PTPRO: variants seen among roughly 807,000 people sequenced by gnomAD.
PTPRO encodes the protein protein tyrosine phosphatase receptor type O.
Under a neutral mutation model 145.2 loss-of-function variants are expected in PTPRO, and 62 were observed. The ratio of observed to expected loss-of-function variants is 0.43; its 90% confidence interval spans 0.35 to 0.53. The LOEUF is 0.53. Among genes scored for constraint, PTPRO ranks in the 20% least tolerant of loss-of-function variants. The pLI is 0.01. For missense variants in PTPRO, 1,345 were observed against 1,482.7 expected, an observed-to-expected ratio of 0.91 and a Z score of 1.53; for synonymous variants, 565 against 514.7, an observed-to-expected ratio of 1.10 and a Z score of -1.32.
intron 1 of PTPRO, among the ~76,000 whole-genome samples, chr12:15,358,488 G>A (rs1039239651): frequency 5.9e-5 from 9 of 152,168 alleles, no homozygotes; most frequent in South Asian, 2.1e-4. Flanking sequence ...ACTCCCCCAC[G>A]TCTCTATGCA....
At chr12:15,485,833 T>C (rs540330859) in intron 2 of PTPRO, among the ~76,000 whole-genome samples, 17 of 152,320 alleles carry the variant, frequency 1.1e-4, no homozygotes, top group African/African-American at 3.4e-4. Flanking sequence ...CTTTGACCTG[T>C]AGGGCTTACA....
intron 7 of PTPRO, among the ~76,000 whole-genome samples, chr12:15,515,165 A>G (rs1297640183): frequency 6.6e-6 from 1 of 152,076 alleles, no homozygotes; most frequent in Non-Finnish European, 1.5e-5. Context: ...TGACACCACA[A>G]TTTAGAATGT....
intron 1 of PTPRO, among the ~76,000 whole-genome samples, chr12:15,439,212 C>A (rs1381217189): frequency 1.3e-5 from 2 of 152,086 alleles, no homozygotes; most frequent in African/African-American, 4.8e-5. Context: ...ATTTTCCAGA[C>A]AAACAAGTCC....
Position 15,473,680 on chromosome 12 carries a change from T to C in PTPRO, c.76-10294T>C, listed in dbSNP as rs975787587. Among the ~76,000 whole-genome samples the C allele has an allele frequency of 2.0e-5, 3 of 148,786 alleles. No homozygotes were observed. In the South Asian group the frequency reaches 6.3e-4, roughly 31 times the overall value. The stretch of plus-strand genomic sequence containing the variant: ...TACTCGGGAGGCTGAGGCAGCAGAA[T>C]TGCTTGAACCCAGGAGACAGAGGTT... On this transcript the variant is annotated intron_variant, in intron 1 of 26. Coordinates refer to ENST00000281171, the MANE Select transcript of PTPRO (RefSeq NM_030667.3).
At chr12:15,595,534 G>C (rs1411152860) in intron 26 of PTPRO, 1 of 168,026 alleles carries the variant, frequency 6.0e-6, no homozygotes, top group Non-Finnish European at 1.3e-5. Context: ...AAAATACCTT[G>C]GTCTCCCCCA....
intron 1 of PTPRO, among the ~76,000 whole-genome samples, chr12:15,417,066 C>T (rs541096276): frequency 1.2e-4 from 18 of 151,668 alleles, no homozygotes; most frequent in Admixed American, 8.5e-4. Context: ...TCCCATGATT[C>T]GTGGAACTAT....
intron 15 of PTPRO, among the ~76,000 whole-genome samples, chr12:15,552,425 T>A (rs1453828718): frequency 6.6e-6 from 1 of 152,238 alleles, no homozygotes; most frequent in Non-Finnish European, 1.5e-5. Flanking sequence ...TAAATTAACA[T>A]TCTTCTCCTG....
chr12:15,438,711 A>G (rs1940670475), intron 1 of PTPRO, among the ~76,000 whole-genome samples: 1 of 152,146 alleles, frequency 6.6e-6, no homozygotes, highest in Non-Finnish European at 1.5e-5. Flanking sequence ...GGATTATGTA[A>G]GAGGACTAAA....
intron 1 of PTPRO, chr12:15,439,516 G>A: frequency 4.3e-6 from 1 of 232,688 alleles, no homozygotes; most frequent in Non-Finnish European, 8.6e-6. Context: ...TCTTATCCAA[G>A]AAAACACCAA....
intron 1 of PTPRO, among the ~76,000 whole-genome samples, chr12:15,472,141 G>A (rs1318865946): frequency 6.6e-6 from 1 of 152,140 alleles, no homozygotes; most frequent in Non-Finnish European, 1.5e-5. Flanking sequence ...TAATAAGTCT[G>A]ATCATTTATT....
chr12:15,494,675 G>C (rs1942065712), intron 2 of PTPRO, among the ~76,000 whole-genome samples: 1 of 150,942 alleles, frequency 6.6e-6, no homozygotes, highest in African/African-American at 2.4e-5. Context: ...AGTTTAAGTA[G>C]CTTGTTGCAG....
chr12:15,555,268 CA>C (rs754260463), intron 15 of PTPRO, among the ~76,000 whole-genome samples: 1 of 151,988 alleles, frequency 6.6e-6, no homozygotes, highest in Non-Finnish European at 1.5e-5. Context: ...GAGTTGTTAA[CA>C]TATAAATTGC....
intron 19 of PTPRO, among the ~76,000 whole-genome samples, chr12:15,574,251 T>C (rs1944127385): frequency 6.6e-6 from 1 of 152,232 alleles, no homozygotes; most frequent in African/African-American, 2.4e-5. Flanking sequence ...GAAAGATTGA[T>C]TATCCTTCTG....
chr12:15,415,539 C>T (rs1048708873), intron 1 of PTPRO, among the ~76,000 whole-genome samples: 16 of 151,878 alleles, frequency 1.1e-4, no homozygotes, highest in South Asian at 1.0e-3. Context: ...CACCTGCCAC[C>T]ACACCCGGCT....
intron 13 of PTPRO, among the ~76,000 whole-genome samples, chr12:15,547,176 C>T (rs547515292): frequency 6.6e-6 from 1 of 151,996 alleles, no homozygotes; most frequent in African/African-American, 2.4e-5. Context: ...GTCCATTCGA[C>T]CAAGAGAATT....
chr12:15,401,055 T>C (rs1939479126), intron 1 of PTPRO, among the ~76,000 whole-genome samples: 1 of 152,158 alleles, frequency 6.6e-6, no homozygotes, highest in Non-Finnish European at 1.5e-5. Context: ...TGACTGGGAA[T>C]GCTTCCTATA....
At position 15,422,931 on chromosome 12, in the gene PTPRO, A is replaced by G. The variant is rs139628908; in HGVS notation, c.76-61043A>G. Among the ~76,000 whole-genome samples, 45 of 152,322 alleles carry G rather than the reference A, an allele frequency of 3.0e-4. No homozygotes were observed. In the East Asian group the frequency reaches 8.3e-3, roughly 28 times the overall value. ...AATAATGAGATTGTCACATCTATCA[A>G]TTTCTATGTATGTATTCCATTGTAC... On this transcript the variant is annotated intron_variant, in intron 1 of 26. Transcript: ENST00000281171.
intron 18 of PTPRO, among the ~76,000 whole-genome samples, chr12:15,566,931 T>C (rs1007188887): frequency 2.0e-5 from 3 of 152,186 alleles, no homozygotes; most frequent in African/African-American, 7.2e-5. Flanking sequence ...GGAGGGATGA[T>C]TTCACAGAAA....
chr12:15,390,649 A>G (rs186817021), intron 1 of PTPRO, among the ~76,000 whole-genome samples: 1 of 152,328 alleles, frequency 6.6e-6, no homozygotes, highest in Admixed American at 6.5e-5. Flanking sequence ...GTCTCGTGGC[A>G]GAAAATAAGA....
Sources: gnomAD v4.1 joint callset for allele counts (sites outside exome capture counted in the v4.1 genomes callset) on GRCh38, gnomAD v4.1.1 for gene constraint, MANE v1.5 for transcripts, NCBI Gene and HGNC (gene_info 2026-07-23, HGNC 2026-07-21) for gene names.